Variants in NXPE4 observed in about 807,000 individuals in gnomAD.
NXPE4 encodes neurexophilin and PC-esterase domain family member 4.
NXPE4 carries 42 observed loss-of-function variants against 33.3 expected under a neutral mutation model. The observed-to-expected ratio is 1.26, with a 90% CI of 0.98 to 1.63. NXPE4 has a LOEUF of 1.63. Among genes scored for constraint, NXPE4 ranks in the 40% most tolerant of loss-of-function variants. The pLI is 0.00. For synonymous variants in NXPE4, 253 were observed against 234.9 expected (o/e 1.08, Z -0.71); for missense variants, 709 against 647.6 (o/e 1.09, Z -1.03).
the NXPE4 span, among the ~76,000 whole-genome samples, chr11:114,636,714 T>A: frequency 6.6e-6 from 1 of 152,114 alleles, no homozygotes; most frequent in Non-Finnish European, 1.5e-5. Flanking sequence ...CTTCATTTCG[T>A]TATGTACCCA....
chr11:114,638,427 A>T, the NXPE4 span, among the ~76,000 whole-genome samples: 1 of 151,856 alleles, frequency 6.6e-6, no homozygotes, highest in Non-Finnish European at 1.5e-5. Context: ...CCTGTAGCTC[A>T]GAGTAGTTTG....
chr11:114,600,829 T>A, the NXPE4 span, among the ~76,000 whole-genome samples: 2 of 152,106 alleles, frequency 1.3e-5, no homozygotes, highest in Non-Finnish European at 2.9e-5. Flanking sequence ...GAAGGATATA[T>A]GAGAATCCTC....
chr11:114,658,608 G>C, the NXPE4 span, among the ~76,000 whole-genome samples: 1 of 152,144 alleles, frequency 6.6e-6, no homozygotes, highest in African/African-American at 2.4e-5. Context: ...CAAACTCTGT[G>C]ACTTCAAGAC....
the NXPE4 span, among the ~76,000 whole-genome samples, chr11:114,621,711 T>C: frequency 6.6e-6 from 1 of 152,112 alleles, no homozygotes; most frequent in South Asian, 2.1e-4. Flanking sequence ...ACTCAGTGGA[T>C]CATAATGATT....
At chr11:114,646,854 C>A in the NXPE4 span, among the ~76,000 whole-genome samples, 2 of 151,894 alleles carry the variant, frequency 1.3e-5, no homozygotes, top group Non-Finnish European at 2.9e-5. Flanking sequence ...CAATGTTTAT[C>A]CAAAAAACAA....
chr11:114,646,018 ATC>A, the NXPE4 span, among the ~76,000 whole-genome samples: 1 of 152,004 alleles, frequency 6.6e-6, no homozygotes, highest in Non-Finnish European at 1.5e-5. Context: ...TCAGAGAAAA[ATC>A]TCTTGATTTT....
chr11:114,662,853 C>A, the NXPE4 span, among the ~76,000 whole-genome samples: 1 of 152,170 alleles, frequency 6.6e-6, no homozygotes, highest in Non-Finnish European at 1.5e-5. Flanking sequence ...ACAGTTATCA[C>A]CTGCTATCTG....
chr11:114,580,327 C>A lies in NXPE4; in HGVS notation c.904G>T (p.Ala302Ser). The change falls in exon 5 of 6, where the codon GCA becomes TCA. Residue 302 changes from alanine (A) to serine (S), a missense_variant. By Grantham distance (99) the Ala-to-Ser change is moderately conservative. Transcript: ENST00000375478. ...CCAAACTTGCATTTCTCTTTCATTG[C>A]AACTGTTTCTTCTGCCAAAGAATCA... The part of the protein sequence containing the change: ...SVSKCNKETV[A>S]MKEKCKFGMT... 6.2e-7 allele frequency: 1 copy of A among 1,613,792 alleles called. No homozygotes were observed.
chr11:114,661,716 G>T, the NXPE4 span, among the ~76,000 whole-genome samples: 1 of 152,198 alleles, frequency 6.6e-6, no homozygotes, highest in African/African-American at 2.4e-5. Context: ...AACTGCATTG[G>T]CCAAGGCCAC....
the NXPE4 span, among the ~76,000 whole-genome samples, chr11:114,677,508 G>A: frequency 6.6e-6 from 1 of 152,038 alleles, no homozygotes; most frequent in Admixed American, 6.6e-5. Flanking sequence ...TGTCTTATAA[G>A]GAGTGGGGAA....
intron 5 of NXPE4, among the ~76,000 whole-genome samples, chr11:114,574,433 A>T (rs1451505059): frequency 6.6e-6 from 1 of 152,142 alleles, no homozygotes; most frequent in African/African-American, 2.4e-5. Flanking sequence ...CTTTGAAAAG[A>T]TAAATAAAAT....
the NXPE4 span, among the ~76,000 whole-genome samples, chr11:114,617,723 G>A: frequency 4.7e-5 from 7 of 150,152 alleles, no homozygotes; most frequent in Middle Eastern, 3.8e-3. Context: ...TACCCAATGC[G>A]TAATAAGTAT....
At chr11:114,602,498 C>T in the NXPE4 span, among the ~76,000 whole-genome samples, 1 of 134,930 alleles carries the variant, frequency 7.4e-6, no homozygotes, top group Admixed American at 8.1e-5. Flanking sequence ...TATATTATCC[C>T]ATATGTAAAT....
the NXPE4 span, among the ~76,000 whole-genome samples, chr11:114,641,789 G>A: frequency 1.3e-5 from 2 of 151,950 alleles, no homozygotes; most frequent in Admixed American, 6.6e-5. Context: ...ATACAGAAGC[G>A]ATTAATTTTC....
the NXPE4 span, among the ~76,000 whole-genome samples, chr11:114,608,985 C>G: frequency 6.6e-6 from 1 of 151,578 alleles, no homozygotes; most frequent in Non-Finnish European, 1.5e-5. Flanking sequence ...CGTGGGTAAC[C>G]ACTGTTGCCA....
chr11:114,616,899 C>G, the NXPE4 span, among the ~76,000 whole-genome samples: 1 of 151,832 alleles, frequency 6.6e-6, no homozygotes, highest in South Asian at 2.1e-4. Flanking sequence ...TAGGTATTGT[C>G]TCGTGGGTAA....
chr11:114,658,782 G>A, the NXPE4 span, among the ~76,000 whole-genome samples: 1 of 152,232 alleles, frequency 6.6e-6, no homozygotes, highest in South Asian at 2.1e-4. Context: ...CACTGAGAAG[G>A]CCTTTCCCTA....
the NXPE4 span, among the ~76,000 whole-genome samples, chr11:114,618,470 ATC>A: frequency 3.3e-5 from 5 of 151,936 alleles, no homozygotes; most frequent in African/African-American, 1.2e-4. Context: ...AACCACTGTT[ATC>A]CTGTGGATAA....
upstream of NXPE4, among the ~76,000 whole-genome samples, chr11:114,600,667 G>T (rs1949627248): frequency 6.6e-6 from 1 of 151,978 alleles, no homozygotes; most frequent in African/African-American, 2.4e-5. Context: ...ATCCTGGATT[G>T]GGTCCTGAAA....
Sources: gnomAD v4.1 joint callset for allele counts (sites outside exome capture counted in the v4.1 genomes callset) on GRCh38, gnomAD v4.1.1 for gene constraint, MANE v1.5 for transcripts, NCBI Gene and HGNC (gene_info 2026-07-23, HGNC 2026-07-21) for gene names.